SRGAP2: variants seen among roughly 807,000 people sequenced by gnomAD.
The protein encoded by SRGAP2 is SLIT-ROBO Rho GTPase-activating protein 2.
A neutral mutation model predicts 57.2 loss-of-function variants in SRGAP2; 15 were observed. That is an observed-to-expected ratio of 0.26 (90% confidence interval 0.18 to 0.40). The LOEUF (loss-of-function observed/expected upper bound fraction) is 0.40, where lower values mean the gene tolerates loss of function less well. Ranked by LOEUF, SRGAP2 falls within the 10% of genes least tolerant of loss-of-function variation. The probability of loss-of-function intolerance (pLI) is 1.00; values close to 1 mark genes in which losing one functional copy is unlikely to be tolerated. For synonymous variants in SRGAP2, 249 were observed against 248.0 expected, an observed-to-expected ratio of 1.00 and a Z score of -0.04; for missense variants, 520 against 669.6, an observed-to-expected ratio of 0.78 and a Z score of 2.47.
chr1:206,454,573 C>T lies in SRGAP2; in HGVS notation c.2361-305C>T, dbSNP rs940041283. On this transcript the variant is annotated intron_variant, in intron 20 of 22. Transcript: ENST00000573034. The surrounding 1 kb of genome is among the most constrained non-coding windows in gnomAD (Gnocchi z 4.3). The stretch of plus-strand genomic sequence containing the variant: ...CCAGGAGGCCGCCCCAGCACGGCCT[C>T]CCCAGGAAGCAGCATGGGGTAGAAG... 13 of 423,578 alleles carry T rather than the reference C, an allele frequency of 3.1e-5. No homozygotes were observed. Among genetic ancestry groups the T allele is most frequent in the Non-Finnish European group, 5.4e-5 (13 of 239,166 alleles). 26.2% of individuals were successfully genotyped at this position (423,578 alleles called of 1,614,324 possible).
rs782816664 is a variant in SRGAP2 at position 206,419,235 on chromosome 1, C to G, written c.1442-138C>G. ...TCTCTGTCTCTCTCTGTCTCTCTCT[C>G]TCTCTCCTCTCTTTTGCCACACACT... is the stretch of plus-strand genomic sequence containing the variant. On this transcript the variant is annotated intron_variant, in intron 11 of 22. Coordinates refer to ENST00000573034, the MANE Select transcript of SRGAP2 (RefSeq NM_015326.5). 95 of 658,698 alleles carry G rather than the reference C, an allele frequency of 1.4e-4. No homozygotes were observed. In the Admixed American group the frequency reaches 1.9e-3, roughly 13 times the overall value. 40.8% of individuals were successfully genotyped at this position (658,698 alleles called of 1,614,324 possible). A position where few individuals can be genotyped will look rare whatever the true frequency, so the allele number is the denominator to read the frequency against.
At position 206,461,089 on chromosome 1, in the gene SRGAP2, G is replaced by A. The variant is rs782189313; in HGVS notation, c.2885G>A (p.Arg962Gln). The change falls in exon 23 of 23, where the codon CGG (arginine) becomes CAG (glutamine). Residue 962 changes from arginine (R) to glutamine (Q), a missense_variant. Around this residue, in one of 5 missense-constraint regions of SRGAP2, gnomAD observed 478 missense variants for 373.6 expected, o/e 1.28. Coordinates refer to ENST00000573034, the MANE Select transcript of SRGAP2 (RefSeq NM_015326.5). ...SALNELRELERQSSVKHTPDV... is the reference protein window; with the variant it reads ...SALNELRELEQQSSVKHTPDV... ...CTGAATGAGCTACGGGAACTAGAAC[G>A]GCAGAGCAGTGTCAAACACACCCCT... The A allele has an allele frequency of 2.6e-6, 2 of 761,340 alleles. No homozygotes were observed. Among genetic ancestry groups the A allele is most frequent in the South Asian group, 1.4e-5 (1 of 73,016 alleles). The allele number at this position is 761,340 out of a possible 1,614,324, so 47.2% of individuals were successfully genotyped here.
intron 2 of SRGAP2, among the ~76,000 whole-genome samples, chr1:206,248,821 G>A (rs1176311884): frequency 3.8e-4 from 57 of 149,822 alleles, no homozygotes; most frequent in African/African-American, 1.3e-3. Flanking sequence ...CCTCACTGCT[G>A]TTGCCCTGGG....
chr1:206,332,641 C>T (rs1171643563), intron 3 of SRGAP2, among the ~76,000 whole-genome samples: 1 of 143,548 alleles, frequency 7.0e-6, no homozygotes, highest in African/African-American at 2.9e-5. Flanking sequence ...AGTTCTCGAG[C>T]CTTGGTTTTC....
intron 10 of SRGAP2, among the ~76,000 whole-genome samples, chr1:206,413,561 T>A (rs942969357): frequency 1.1e-4 from 16 of 152,206 alleles, no homozygotes; most frequent in Middle Eastern, 3.2e-3. Context: ...TGGTTTTGGC[T>A]TGTTTTATTT....
chr1:206,422,664 A>G (rs1379771714), intron 13 of SRGAP2, among the ~76,000 whole-genome samples: 2 of 152,170 alleles, frequency 1.3e-5, no homozygotes, highest in Non-Finnish European at 2.9e-5. Flanking sequence ...AGGGGTTTGC[A>G]GCTCCACTGT....
At chr1:206,363,858 G>A (rs1415961244) in intron 4 of SRGAP2, among the ~76,000 whole-genome samples, 9 of 152,302 alleles carry the variant, frequency 5.9e-5, no homozygotes, top group South Asian at 2.1e-4. Flanking sequence ...TTAATTACTC[G>A]GTGAGGATGG....
chr1:206,333,524 C>T (rs1313926604), intron 3 of SRGAP2: 15 of 1,040,602 alleles, frequency 1.4e-5, no homozygotes, highest in East Asian at 1.0e-4. Context: ...CCTCTACCTC[C>T]GTCTCTATTT....
chr1:206,329,707 T>G (rs1257063351), intron 3 of SRGAP2, among the ~76,000 whole-genome samples: 1 of 144,590 alleles, frequency 6.9e-6, no homozygotes, highest in African/African-American at 2.6e-5. Flanking sequence ...GATTTTGGGC[T>G]GAGACGAAGG....
intron 18 of SRGAP2, among the ~76,000 whole-genome samples, chr1:206,446,690 A>G (rs1363467598): frequency 1.3e-5 from 2 of 152,190 alleles, no homozygotes; most frequent in Non-Finnish European, 2.9e-5. Context: ...GTCCCAGGGA[A>G]TTCCCTTCCT....
chr1:206,429,398 C>A (rs1661096359), intron 13 of SRGAP2, among the ~76,000 whole-genome samples: 1 of 152,208 alleles, frequency 6.6e-6, no homozygotes, highest in Non-Finnish European at 1.5e-5. Context: ...CATGGCCAAC[C>A]CTGGACACCC....
intron 18 of SRGAP2, among the ~76,000 whole-genome samples, chr1:206,449,277 C>T (rs1663036685): frequency 7.0e-6 from 1 of 142,654 alleles, no homozygotes; most frequent in South Asian, 2.2e-4. Context: ...CGATTCCTTA[C>T]ACTGGATGAT....
chr1:206,398,709 T>C (rs1323447820), intron 7 of SRGAP2, among the ~76,000 whole-genome samples: 1 of 151,922 alleles, frequency 6.6e-6, no homozygotes, highest in Non-Finnish European at 1.5e-5. Flanking sequence ...GCTAGTCTGG[T>C]TGGGGTGATA....
intron 3 of SRGAP2, among the ~76,000 whole-genome samples, chr1:206,331,550 T>A (rs1302873722): frequency 6.6e-6 from 1 of 150,792 alleles, no homozygotes; most frequent in Non-Finnish European, 1.5e-5. Context: ...TTGATCCCTT[T>A]ACCATTATGT....
At chr1:206,418,739 G>A (rs1286888637) in intron 11 of SRGAP2, among the ~76,000 whole-genome samples, 1 of 152,108 alleles carries the variant, frequency 6.6e-6, no homozygotes, top group Non-Finnish European at 1.5e-5. Flanking sequence ...TGATTTGCTA[G>A]CAGTATCAAC....
intron 4 of SRGAP2, among the ~76,000 whole-genome samples, chr1:206,347,525 A>C (rs1460850291): frequency 6.6e-6 from 1 of 150,442 alleles, no homozygotes; most frequent in African/African-American, 2.5e-5. Context: ...TGCAGTGAGC[A>C]GAGATCATGC....
chr1:206,439,149 C>G (rs758676379), intron 16 of SRGAP2, among the ~76,000 whole-genome samples: 7 of 152,186 alleles, frequency 4.6e-5, no homozygotes, highest in Non-Finnish European at 8.8e-5. Flanking sequence ...GAGATACACT[C>G]TTCTTCCTAA....
At position 206,450,458 on chromosome 1, in the gene SRGAP2, C is replaced by T. The variant is rs782799047; in HGVS notation, c.2172C>T (p.Ser724=). ...TQDVTAEHHT[S]DDECEPIEAI... ...ATGTGACCGCAGAGCACCACACGAG[C>T]GATGACGGTACGAGGCCCTGCTTCC... The change falls in exon 19 of 23, where the codon AGC becomes AGT. Residue 724 remains serine, a synonymous_variant. Transcript: ENST00000573034. The T allele has an allele frequency of 1.0e-5, 8 of 780,770 alleles. No homozygotes were observed. The highest frequency in any genetic ancestry group is 8.5e-5 in the Admixed American group (5 of 59,034). 48.4% of individuals were successfully genotyped at this position (780,770 alleles called of 1,614,324 possible). A position where few individuals can be genotyped will look rare whatever the true frequency, so the allele number is the denominator to read the frequency against.
intron 13 of SRGAP2, among the ~76,000 whole-genome samples, chr1:206,429,316 T>C (rs1661084381): frequency 6.6e-6 from 1 of 152,238 alleles, no homozygotes; most frequent in South Asian, 2.1e-4. Flanking sequence ...CAAACCCTCT[T>C]TCTGAAGCTC....
Sources: allele counts gnomAD v4.1 joint callset (sites outside exome capture counted in the v4.1 genomes callset), GRCh38; gene constraint gnomAD v4.1.1; regional missense constraint gnomAD v4.1.1; non-coding constraint Gnocchi (gnomAD v3.1); transcripts MANE v1.5; gene names NCBI Gene and HGNC (gene_info 2026-07-23, HGNC 2026-07-21).